PPP2R5E: variants seen among roughly 807,000 people sequenced by gnomAD.
PPP2R5E encodes the protein protein phosphatase 2 regulatory subunit B'epsilon.
Under a neutral mutation model 65.3 loss-of-function variants are expected in PPP2R5E, and 4 were observed. That is an observed-to-expected ratio of 0.06 (90% CI 0.03 to 0.14). The LOEUF is 0.14. Among genes scored for constraint, PPP2R5E ranks in the 10% least tolerant of loss-of-function variants. The pLI, the probability that PPP2R5E is intolerant of heterozygous loss-of-function variation, is 1.00. For missense variants in PPP2R5E, 274 were observed against 556.1 expected, an observed-to-expected ratio of 0.49 and a Z score of 5.10; for synonymous variants, 183 against 187.4, an observed-to-expected ratio of 0.98 and a Z score of 0.19.
At chr14:63,524,439 C>A (rs902306192) in intron 2 of PPP2R5E, among the ~76,000 whole-genome samples, 3 of 152,220 alleles carry the variant, frequency 2.0e-5, no homozygotes, top group African/African-American at 7.2e-5. Context: ...CCACCTTGGG[C>A]AGCATGAATC....
chr14:63,414,579 A>T (rs988183844), intron 5 of PPP2R5E, among the ~76,000 whole-genome samples: 5 of 152,184 alleles, frequency 3.3e-5, no homozygotes, highest in Admixed American at 3.3e-4. Context: ...TAACATGCAC[A>T]ATGAGGAGTC....
At chr14:63,499,751 C>T (rs553177951) in intron 2 of PPP2R5E, among the ~76,000 whole-genome samples, 79 of 151,502 alleles carry the variant, frequency 5.2e-4, no homozygotes, top group African/African-American at 1.7e-3. Context: ...AAGAAAGAAA[C>T]CAAGGAATTT....
chr14:63,454,823 G>A (rs1889031217), intron 2 of PPP2R5E, among the ~76,000 whole-genome samples: 1 of 152,164 alleles, frequency 6.6e-6, no homozygotes, highest in Admixed American at 6.5e-5. Flanking sequence ...AACCAGGGTA[G>A]GCTCTACTGC....
chr14:63,379,489 C>A (rs1253024621), intron 13 of PPP2R5E, among the ~76,000 whole-genome samples: 1 of 152,118 alleles, frequency 6.6e-6, no homozygotes, highest in African/African-American at 2.4e-5. Flanking sequence ...TCAGGCTGGT[C>A]GCAAATTCCC....
intron 5 of PPP2R5E, among the ~76,000 whole-genome samples, chr14:63,407,771 C>A (rs1203665803): frequency 1.3e-5 from 2 of 152,142 alleles, no homozygotes; most frequent in South Asian, 2.1e-4. Context: ...GTGTTGAGGT[C>A]ATAAGGGCTC....
At chr14:63,418,778 T>A (rs1886840397) in intron 4 of PPP2R5E, among the ~76,000 whole-genome samples, 1 of 152,100 alleles carries the variant, frequency 6.6e-6, no homozygotes, top group Admixed American at 6.5e-5. Flanking sequence ...TAAAAATTAT[T>A]CTTTTGTCTA....
chr14:63,470,320 G>A (rs553716789), intron 2 of PPP2R5E, among the ~76,000 whole-genome samples: 15 of 151,872 alleles, frequency 9.9e-5, no homozygotes, highest in South Asian at 4.2e-4. Flanking sequence ...GATCCTTGCC[G>A]CCTGGACCTC....
At chr14:63,482,171 T>C (rs10145422) in intron 2 of PPP2R5E, among the ~76,000 whole-genome samples, 40,752 of 152,096 alleles carry the variant, frequency 0.27, 6,416 homozygotes, top group African/African-American at 0.44. Flanking sequence ...GTTTGAAAAC[T>C]GTTGGCATGG....
chr14:63,412,536 G>C lies in PPP2R5E; in HGVS notation c.549+2604C>G, dbSNP rs948001562. ...GACAAATGGACACAACCAGGATACT[G>C]AAGGCTTCAAAACTAACAAATGAGA... On this transcript the variant is annotated intron_variant, in intron 5 of 13. Transcript: ENST00000337537. Among the ~76,000 whole-genome samples, 3 of 152,188 alleles carry C rather than the reference G, an allele frequency of 2.0e-5. No individual in the cohort carries two copies. In the South Asian group the frequency reaches 6.2e-4, roughly 32 times the overall value.
rs1248318942 is a variant in PPP2R5E, at chr14:63,536,309, G to C, written c.157+3220C>G. Reference sequence around the variant, plus strand: ...CAACATCACTAATCATTAGGGCAATGCAAATAAAAATCACACTGAAATACC... The same window carrying C: ...CAACATCACTAATCATTAGGGCAATCCAAATAAAAATCACACTGAAATACC... On this transcript the variant is annotated intron_variant, in intron 2 of 13. Transcript: ENST00000337537. Among the ~76,000 whole-genome samples, 3 of 152,130 alleles carry C rather than the reference G, an allele frequency of 2.0e-5. No homozygotes were observed. In the East Asian group the frequency reaches 5.8e-4, roughly 29 times the overall value.
intron 2 of PPP2R5E, among the ~76,000 whole-genome samples, chr14:63,488,516 T>C (rs1254286120): frequency 6.6e-6 from 1 of 152,104 alleles, no homozygotes; most frequent in African/African-American, 2.4e-5. Flanking sequence ...TGAATGATTT[T>C]AAGAGAATCC....
chr14:63,502,190 C>T (rs1181173233), intron 2 of PPP2R5E, among the ~76,000 whole-genome samples: 1 of 152,160 alleles, frequency 6.6e-6, no homozygotes, highest in Non-Finnish European at 1.5e-5. Context: ...CCACTGCACC[C>T]AGCTGGAAGT....
At chr14:63,449,072 T>C (rs1382776718) in intron 3 of PPP2R5E, among the ~76,000 whole-genome samples, 1 of 152,230 alleles carries the variant, frequency 6.6e-6, no homozygotes, top group Non-Finnish European at 1.5e-5. Context: ...TACTGTAACA[T>C]GCCATTATAC....
intron 3 of PPP2R5E, among the ~76,000 whole-genome samples, chr14:63,440,709 C>T (rs1249100825): frequency 3.3e-5 from 5 of 150,228 alleles, no homozygotes. Flanking sequence ...GAGGCCGAGG[C>T]AGGCGCATCA....
chr14:63,460,741 C>T (rs1889409319), intron 2 of PPP2R5E, among the ~76,000 whole-genome samples: 1 of 152,146 alleles, frequency 6.6e-6, no homozygotes, highest in Admixed American at 6.5e-5. Context: ...ACAATATGCT[C>T]TCCAATTTAC....
At chr14:63,437,254 T>A (rs569582588) in intron 3 of PPP2R5E, among the ~76,000 whole-genome samples, 1 of 152,300 alleles carries the variant, frequency 6.6e-6, no homozygotes, top group South Asian at 2.1e-4. Flanking sequence ...AATCCACCCC[T>A]TATTTAGAAT....
At chr14:63,530,849 T>G (rs910108893) in intron 2 of PPP2R5E, among the ~76,000 whole-genome samples, 4 of 151,830 alleles carry the variant, frequency 2.6e-5, no homozygotes, top group African/African-American at 9.7e-5. Flanking sequence ...ATTCCTGACC[T>G]CAAGTGATCC....
chr14:63,431,212 G>A (rs1160867209), intron 3 of PPP2R5E, among the ~76,000 whole-genome samples: 1 of 151,006 alleles, frequency 6.6e-6, no homozygotes, highest in African/African-American at 2.4e-5. Flanking sequence ...CGGTTGCAGT[G>A]AGCCAAGATC....
At chr14:63,490,566 CG>C (rs1891232776) in intron 2 of PPP2R5E, among the ~76,000 whole-genome samples, 1 of 151,766 alleles carries the variant, frequency 6.6e-6, no homozygotes, top group South Asian at 2.1e-4. Context: ...CATTAAAAAG[CG>C]GGCAAAGGAC....
Sources: gnomAD v4.1 joint callset for allele counts (sites outside exome capture counted in the v4.1 genomes callset) on GRCh38, gnomAD v4.1.1 for gene constraint, MANE v1.5 for transcripts, NCBI Gene and HGNC (gene_info 2026-07-23, HGNC 2026-07-21) for gene names.